HS3ST3A1: variants seen among roughly 807,000 people sequenced by gnomAD.
HS3ST3A1 encodes the protein heparan sulfate-glucosamine 3-sulfotransferase 3A1, also known as heparan sulfate glucosamine 3-O-sulfotransferase 3A1.
Under a neutral mutation model 25.7 loss-of-function variants are expected in HS3ST3A1, and 19 were observed. That is an observed-to-expected ratio of 0.74 (90% CI 0.52 to 1.08). The LOEUF is 1.08. Ranked by LOEUF, HS3ST3A1 falls within the 50% of genes least tolerant of loss-of-function variation. The pLI, the probability that HS3ST3A1 is intolerant of heterozygous loss-of-function variation, is 0.00. For missense variants in HS3ST3A1, 459 were observed against 594.3 expected (o/e 0.77, Z 2.37); for synonymous variants, 226 against 278.6 (o/e 0.81, Z 1.88).
In HS3ST3A1 at chr17:13,496,234, T is replaced by C. The variant is rs765058122; in HGVS notation, c.1184A>G (p.Tyr395Cys). Residue 395 changes from tyrosine (Y) to cysteine (C), a missense_variant, in exon 2 of 2, where the codon TAC becomes TGC. Tyr to Cys is a radical substitution (Grantham distance 194). Around this residue, in one of 3 missense-constraint regions of HS3ST3A1, gnomAD observed 46 missense variants for 59.0 expected, o/e 0.78. Transcript: ENST00000284110. ...EFYRPFNLKF[Y>C]QMTGHDFGWD... ...GCCAAAGTCGTGCCCGGTCATCTGG[T>C]AGAACTTGAGGTTGAAAGGCCGGTA... 6.2e-7 allele frequency: 1 copy of C among 1,600,478 alleles called. No individual in the cohort carries two copies. Among genetic ancestry groups the C allele is most frequent in the East Asian group, 2.2e-5 (1 of 44,678 alleles).
chr17:13,594,236 G>A (rs1908515056), intron 1 of HS3ST3A1, among the ~76,000 whole-genome samples: 1 of 152,124 alleles, frequency 6.6e-6, no homozygotes, highest in Non-Finnish European at 1.5e-5. Context: ...TGGTTAAGGT[G>A]GTGTCTGTCA....
chr17:13,584,979 C>T (rs985461935), intron 1 of HS3ST3A1, among the ~76,000 whole-genome samples: 10 of 152,050 alleles, frequency 6.6e-5, no homozygotes, highest in African/African-American at 2.4e-4. Flanking sequence ...TTCAAGGTCA[C>T]CAATGACTTC....
chr17:13,534,101 A>G (rs2190859), intron 1 of HS3ST3A1, among the ~76,000 whole-genome samples: 131,113 of 152,110 alleles, frequency 0.86, 56,803 homozygotes, highest in African/African-American at 0.95. Flanking sequence ...GAAGAATGTG[A>G]TAGGATGAAT....
intron 1 of HS3ST3A1, among the ~76,000 whole-genome samples, chr17:13,586,857 G>C (rs1346018634): frequency 1.2e-5 from 1 of 82,320 alleles, no homozygotes; most frequent in Non-Finnish European, 2.2e-5. Flanking sequence ...GCGACAGAGA[G>C]AGACTCTGTC....
Position 13,502,203 on chromosome 17 carries a change from C to T in HS3ST3A1, c.600-5385G>A, listed in dbSNP as rs114884564. Among the ~76,000 whole-genome samples the T allele has an allele frequency of 6.8e-3, 1,042 of 152,202 alleles. 14 individuals are homozygous for T. Among genetic ancestry groups the T allele is most frequent in the African/African-American group, 0.024 (981 of 41,544 alleles). Reference sequence around the variant, plus strand: ...AAGTGTTATGGTCAAGCAGGAACCACGATACACATGCTAAGTTGTCCTCTG... The same window carrying T: ...AAGTGTTATGGTCAAGCAGGAACCATGATACACATGCTAAGTTGTCCTCTG... On this transcript the variant is annotated intron_variant, in intron 1 of 1. Coordinates refer to ENST00000284110, the MANE Select transcript of HS3ST3A1 (RefSeq NM_006042.3).
chr17:13,595,867 T>C (rs1309908374), intron 1 of HS3ST3A1, among the ~76,000 whole-genome samples: 1 of 152,026 alleles, frequency 6.6e-6, no homozygotes, highest in Non-Finnish European at 1.5e-5. Context: ...TTGTTGTTGT[T>C]GTTGTTGTTG....
chr17:13,513,296 T>A (rs1432711097), intron 1 of HS3ST3A1, among the ~76,000 whole-genome samples: 1 of 152,098 alleles, frequency 6.6e-6, no homozygotes, highest in East Asian at 1.9e-4. Context: ...GGAACAGAAA[T>A]CCCTCTTCTT....
At chr17:13,521,834 T>C (rs2142319425) in intron 1 of HS3ST3A1, among the ~76,000 whole-genome samples, 1 of 152,308 alleles carries the variant, frequency 6.6e-6, no homozygotes, top group Non-Finnish European at 1.5e-5. Context: ...AGATAGGAGT[T>C]TCTCAACCCC....
intron 1 of HS3ST3A1, among the ~76,000 whole-genome samples, chr17:13,569,626 A>G (rs1907754529): frequency 6.6e-6 from 1 of 152,072 alleles, no homozygotes. Context: ...TTCCATTTCT[A>G]TCTCTCTATA....
At chr17:13,585,094 T>C (rs1326182902) in intron 1 of HS3ST3A1, among the ~76,000 whole-genome samples, 3 of 151,142 alleles carry the variant, frequency 2.0e-5, no homozygotes, top group African/African-American at 7.3e-5. Flanking sequence ...GCATTTATTG[T>C]GGAAATGTAA....
At chr17:13,576,940 C>T (rs1395283750) in intron 1 of HS3ST3A1, among the ~76,000 whole-genome samples, 1 of 152,180 alleles carries the variant, frequency 6.6e-6, no homozygotes, top group African/African-American at 2.4e-5. Context: ...ATATCTGAGA[C>T]TGGGTAATTT....
chr17:13,564,734 T>C (rs917419952), intron 1 of HS3ST3A1, among the ~76,000 whole-genome samples: 8 of 149,938 alleles, frequency 5.3e-5, no homozygotes, highest in Non-Finnish European at 1.2e-4. Context: ...TTTTTTTTTT[T>C]TTTTTAAGAG....
At chr17:13,583,947 C>T (rs1908180336) in intron 1 of HS3ST3A1, among the ~76,000 whole-genome samples, 1 of 152,130 alleles carries the variant, frequency 6.6e-6, no homozygotes, top group South Asian at 2.1e-4. Flanking sequence ...AGGGTTTTTG[C>T]TTTGCTTCGT....
At chr17:13,598,095 G>A (rs1276693795) in intron 1 of HS3ST3A1, among the ~76,000 whole-genome samples, 1 of 152,000 alleles carries the variant, frequency 6.6e-6, no homozygotes, top group Non-Finnish European at 1.5e-5. Context: ...ATTTATTTCT[G>A]TTCGTGTGTG....
At chr17:13,589,837 T>C (rs977871071) in intron 1 of HS3ST3A1, among the ~76,000 whole-genome samples, 3 of 152,224 alleles carry the variant, frequency 2.0e-5, no homozygotes, top group African/African-American at 7.2e-5. Context: ...GCTCCGGGAA[T>C]GTAACTTTAG....
At chr17:13,499,549 GAA>G (rs1259604841) in intron 1 of HS3ST3A1, among the ~76,000 whole-genome samples, 1 of 144,966 alleles carries the variant, frequency 6.9e-6, no homozygotes, top group African/African-American at 2.5e-5. Flanking sequence ...AATAGAGAGA[GAA>G]TAATACTTCA....
chr17:13,550,565 C>A (rs1044566230), intron 1 of HS3ST3A1, among the ~76,000 whole-genome samples: 3 of 152,042 alleles, frequency 2.0e-5, no homozygotes, highest in Admixed American at 6.6e-5. Flanking sequence ...TGACCAAGAA[C>A]GCCTGCATTG....
rs1448234760 is a variant in HS3ST3A1, at chr17:13,532,240, A to G, written c.600-35422T>C. On this transcript the variant is annotated intron_variant, in intron 1 of 1. Transcript: ENST00000284110. Reference sequence around the variant, plus strand: ...TTCTACACATCTCTTATGCCCTCCCAAGCACTGGCTGCACTTGTGTTCCTT... The same window carrying G: ...TTCTACACATCTCTTATGCCCTCCCGAGCACTGGCTGCACTTGTGTTCCTT... Among the ~76,000 whole-genome samples, 14 of 152,214 alleles carry G rather than the reference A, an allele frequency of 9.2e-5. No individual in the cohort carries two copies. The East Asian group carries it at 1.2e-3, about 13-fold the overall frequency.
At chr17:13,544,320 T>C (rs1907022120) in intron 1 of HS3ST3A1, among the ~76,000 whole-genome samples, 1 of 151,944 alleles carries the variant, frequency 6.6e-6, no homozygotes, top group Non-Finnish European at 1.5e-5. Flanking sequence ...CTGAACAGAG[T>C]GTTCTCTTTT....
Sources: allele counts gnomAD v4.1 joint callset (sites outside exome capture counted in the v4.1 genomes callset), GRCh38; gene constraint gnomAD v4.1.1; regional missense constraint gnomAD v4.1.1; transcripts MANE v1.5; gene names NCBI Gene and HGNC (gene_info 2026-07-23, HGNC 2026-07-21).